The following SYNE2 variants were observed in gnomAD, a reference collection of about 807,000 sequenced individuals.
SYNE2 encodes the protein nesprin-2.
In SYNE2, 431 loss-of-function variants were observed where a neutral mutation model predicts 856.3. The ratio of observed to expected loss-of-function variants is 0.50; its 90% CI spans 0.47 to 0.55. The LOEUF (loss-of-function observed/expected upper bound fraction) is 0.55, where lower values mean the gene tolerates loss of function less well. Among genes scored for constraint, SYNE2 ranks in the 20% least tolerant of loss-of-function variants. The pLI is 0.00. For synonymous variants in SYNE2, 2,923 were observed against 2,872.3 expected, an observed-to-expected ratio of 1.02 and a Z score of -0.56; for missense variants, 8,129 against 8,023.2, an observed-to-expected ratio of 1.01 and a Z score of -0.50.
intron 11 of SYNE2, among the ~76,000 whole-genome samples, chr14:63,968,859 A>C (rs1182863505): frequency 2.6e-5 from 4 of 152,164 alleles, no homozygotes; most frequent in Non-Finnish European, 5.9e-5. Context: ...TACACTCTTC[A>C]AGTTATTTTA....
chr14:64,169,017 A>T (rs777728456), intron 93 of SYNE2, 46 bp downstream of exon 93: 9 of 1,456,646 alleles, frequency 6.2e-6, no homozygotes, highest in Non-Finnish European at 8.7e-6. Flanking sequence ...ATGGAAGGTA[A>T]TGCATTCAGT....
intron 76 of SYNE2, 102 bp downstream of exon 76, chr14:64,130,350 T>G (rs2153679107): frequency 9.3e-7 from 1 of 1,074,486 alleles, no homozygotes; most frequent in South Asian, 1.4e-5. Flanking sequence ...TTGTTGAAAT[T>G]TAAGCTATTC....
intron 1 of SYNE2, among the ~76,000 whole-genome samples, chr14:63,782,747 A>T (rs1887364755): frequency 6.6e-6 from 1 of 152,002 alleles, no homozygotes; most frequent in African/African-American, 2.4e-5. Context: ...TTATTAGCAG[A>T]TGCCAAAACT....
chr14:63,869,140 T>C (rs1896205816), intron 1 of SYNE2, among the ~76,000 whole-genome samples: 1 of 152,178 alleles, frequency 6.6e-6, no homozygotes, highest in African/African-American at 2.4e-5. Flanking sequence ...TATTCCCTCC[T>C]CATAGTGAAA....
chr14:64,122,449 G>A (rs2153667387), intron 70 of SYNE2, 22 bp downstream of exon 70: 1 of 1,614,070 alleles, frequency 6.2e-7, no homozygotes, highest in South Asian at 1.1e-5. Context: ...TCTACATGGT[G>A]CAAATAGCCT....
intron 21 of SYNE2, among the ~76,000 whole-genome samples, chr14:63,992,101 C>T (rs2096671199): frequency 6.6e-6 from 1 of 152,118 alleles, no homozygotes; most frequent in Non-Finnish European, 1.5e-5. Flanking sequence ...CCTTCAACCA[C>T]TTCCCTCTGT....
At chr14:64,036,411 G>C (rs1256507388) in intron 45 of SYNE2, among the ~76,000 whole-genome samples, 3 of 152,056 alleles carry the variant, frequency 2.0e-5, no homozygotes, top group African/African-American at 7.2e-5. Flanking sequence ...TCTGCCTCCT[G>C]AGTCGCTGGG....
rs1029677073 is a variant in SYNE2 at position 64,090,633 on chromosome 14, T to A, written c.11794-233T>A. Reference sequence around the variant, plus strand: ...TGGAGGGAGAAAAGGAAGAAAAAGTTGTCCAAATGCGTAATTTAGTATTGG... The same window carrying A: ...TGGAGGGAGAAAAGGAAGAAAAAGTAGTCCAAATGCGTAATTTAGTATTGG... On this transcript the variant is annotated intron_variant, in intron 59 of 115. Coordinates refer to ENST00000555002, the MANE Select transcript of SYNE2 (RefSeq NM_182914.3). Among the ~76,000 whole-genome samples, 6 of 152,182 alleles carry A rather than the reference T, an allele frequency of 3.9e-5. No individual in the cohort carries two copies. In the East Asian group the frequency reaches 1.2e-3, roughly 29 times the overall value.
chr14:63,804,718 T>C (rs1173096588), intron 1 of SYNE2, among the ~76,000 whole-genome samples: 2 of 152,142 alleles, frequency 1.3e-5, no homozygotes, highest in African/African-American at 4.8e-5. Context: ...GATCTCGAAC[T>C]CTCGAACTCA....
intron 2 of SYNE2, among the ~76,000 whole-genome samples, chr14:63,939,357 T>C (rs1462489664): frequency 6.7e-6 from 1 of 149,870 alleles, no homozygotes; most frequent in South Asian, 2.1e-4. Flanking sequence ...CTTTTTTTTT[T>C]TTTTTTTTGA....
chr14:63,857,676 C>A (rs1376369886), intron 1 of SYNE2, among the ~76,000 whole-genome samples: 1 of 152,142 alleles, frequency 6.6e-6, no homozygotes, highest in Non-Finnish European at 1.5e-5. Flanking sequence ...AGTGACACCT[C>A]ATTGTGGTTT....
intron 6 of SYNE2, among the ~76,000 whole-genome samples, chr14:63,948,152 C>G (rs1304420539): frequency 9.5e-6 from 1 of 105,120 alleles, no homozygotes; most frequent in African/African-American, 3.7e-5. Flanking sequence ...CACATACACA[C>G]ACAGACACAC....
At chr14:64,028,185 G>A (rs768385305) in intron 43 of SYNE2, among the ~76,000 whole-genome samples, 3 of 151,988 alleles carry the variant, frequency 2.0e-5, no homozygotes, top group Admixed American at 6.6e-5. Context: ...GACTACAGAC[G>A]TGAGCCACAC....
chr14:64,009,691 G>A (rs1002934782), intron 31 of SYNE2, among the ~76,000 whole-genome samples: 2 of 152,124 alleles, frequency 1.3e-5, no homozygotes, highest in African/African-American at 2.4e-5. Context: ...TGATTCCTTA[G>A]GGTGATGAAT....
At chr14:63,893,294 C>T (rs924321485) in intron 1 of SYNE2, among the ~76,000 whole-genome samples, 25 of 152,264 alleles carry the variant, frequency 1.6e-4, no homozygotes, top group East Asian at 1.4e-3. Flanking sequence ...TGCGGTGGCT[C>T]GCACTTTTAA....
Position 64,055,990 on chromosome 14 carries a change from C to A in SYNE2, c.9791C>A (p.Ala3264Glu). Residue 3264 changes from alanine (A) to glutamate (E), a missense_variant, in exon 49 of 116, where the codon GCA becomes GAA. Physicochemically the swap from Ala to Glu is moderately radical, Grantham distance 107. Around this residue, in one of 3 missense-constraint regions of SYNE2, gnomAD observed 5,410 missense variants for 5,284.8 expected, o/e 1.02. Coordinates refer to ENST00000555002, the MANE Select transcript of SYNE2 (RefSeq NM_182914.3). ...AYENLTRYKE[A>E]VTRAVESITS... ...GAAAATCTAACACGCTATAAAGAAG[C>A]AGTCACCAGGGCAGTGGAGAGCATC... 6.2e-7 allele frequency: 1 copy of A among 1,613,990 alleles called. No individual in the cohort carries two copies. The highest frequency in any genetic ancestry group is 8.5e-7 in the Non-Finnish European group (1 of 1,179,900).
chr14:63,995,352 C>A, intron 23 of SYNE2, 150 bp downstream of exon 23: 1 of 614,080 alleles, frequency 1.6e-6, no homozygotes. Context: ...GCTTCACACT[C>A]GCAGCAGAGC....
chr14:63,885,628 G>A lies in SYNE2; in HGVS notation c.-51-23470G>A, dbSNP rs146563014. Reference sequence around the variant, plus strand: ...TTCGATATATTTTTTTTGAGACAGGGTTTTGCTCTGTCACCTAGGCTGGAC... The same window carrying A: ...TTCGATATATTTTTTTTGAGACAGGATTTTGCTCTGTCACCTAGGCTGGAC... On this transcript the variant is annotated intron_variant, in intron 1 of 115. Transcript: ENST00000555002. Among the ~76,000 whole-genome samples, 708 of 152,166 alleles carry A rather than the reference G, an allele frequency of 4.7e-3. 8 individuals carry two copies. Among genetic ancestry groups the A allele is most frequent in the African/African-American group, 0.017 (685 of 41,514 alleles).
At position 64,220,426 on chromosome 14, in the gene SYNE2, C is replaced by G. The variant is rs770544393; in HGVS notation, c.19861-11C>G. On this transcript the variant is annotated splice_polypyrimidine_tract_variant and intron_variant, in intron 110 of 115. Coordinates refer to ENST00000555002, the MANE Select transcript of SYNE2 (RefSeq NM_182914.3). ...CAGAGCTCCTAACCTCATCTTTTCT[C>G]TCTCTGGTAGGAGATACTGAAAGCC... 1.9e-6 allele frequency: 3 copies of G among 1,613,984 alleles called. No homozygotes were observed. In the African/African-American group the frequency reaches 4.0e-5, roughly 22 times the overall value.
Sources: gnomAD v4.1 joint callset for allele counts (sites outside exome capture counted in the v4.1 genomes callset) on GRCh38, gnomAD v4.1.1 for gene constraint, gnomAD v4.1.1 regional missense constraint, MANE v1.5 for transcripts, NCBI Gene and HGNC (gene_info 2026-07-23, HGNC 2026-07-21) for gene names.